Variants in PRICKLE1 observed in about 807,000 individuals in gnomAD.
The protein encoded by PRICKLE1 is prickle-like protein 1.
PRICKLE1 carries 14 observed loss-of-function variants against 70.2 expected under a neutral mutation model. The ratio of observed to expected loss-of-function variants is 0.20; its 90% CI spans 0.13 to 0.31. The LOEUF (loss-of-function observed/expected upper bound fraction) is 0.31, where lower values mean the gene tolerates loss of function less well. PRICKLE1 is among the 10% of genes least tolerant of loss of function. PRICKLE1 has a pLI of 1.00. For missense variants in PRICKLE1, 821 were observed against 1,026.2 expected (o/e 0.80, Z 2.73); for synonymous variants, 357 against 379.9 (o/e 0.94, Z 0.70).
chr12:42,506,249 TTCTTTCTTTC>T (rs1220084973), intron 1 of PRICKLE1, among the ~76,000 whole-genome samples: 4 of 48,874 alleles, frequency 8.2e-5, no homozygotes, highest in Admixed American at 3.1e-4. Flanking sequence ...ATGTTCTTTT[TTCTTTCTTTC>T]TTTTTTTTTT....
chr12:42,584,305 T>C (rs1449973719), intron 1 of PRICKLE1: 4 of 152,196 alleles, frequency 2.6e-5, no homozygotes, highest in African/African-American at 9.6e-5. Flanking sequence ...GATAACTATA[T>C]TGCTATGTCC....
At chr12:42,560,940 G>A (rs1442121912) in intron 1 of PRICKLE1, among the ~76,000 whole-genome samples, 1 of 152,142 alleles carries the variant, frequency 6.6e-6, no homozygotes, top group African/African-American at 2.4e-5. Flanking sequence ...TGTCTTACAG[G>A]ATTTGTGATG....
chr12:42,554,736 A>G (rs1005625778), intron 1 of PRICKLE1, among the ~76,000 whole-genome samples: 1 of 152,262 alleles, frequency 6.6e-6, no homozygotes, highest in African/African-American at 2.4e-5. Context: ...GCAAAGCCCA[A>G]TTCTCTTCGT....
At chr12:42,560,477 CA>C (rs1940492461) in intron 1 of PRICKLE1, among the ~76,000 whole-genome samples, 1 of 151,384 alleles carries the variant, frequency 6.6e-6, no homozygotes, top group African/African-American at 2.5e-5. Flanking sequence ...CATGAGTATT[CA>C]AACTTATACC....
rs1399044400 is a variant in PRICKLE1, at chr12:42,560,777, C to T, written c.-49+28688G>A. Among the ~76,000 whole-genome samples the T allele has an allele frequency of 1.5e-3, 30 of 19,462 alleles. 2 individuals are homozygous for T. The South Asian group carries it at 0.044, about 29-fold the overall frequency. The allele number at this position is 19,462 out of a possible 152,430, so 12.8% of individuals were successfully genotyped here. ...TCAAAAGCCCATCTTCTCACACACA[C>T]ACACACACACACACACACACACACA... On this transcript the variant is annotated intron_variant, in intron 1 of 7. Transcript: ENST00000345127.
intron 1 of PRICKLE1, among the ~76,000 whole-genome samples, chr12:42,512,688 C>T (rs1212508595): frequency 6.6e-6 from 1 of 151,246 alleles, no homozygotes; most frequent in African/African-American, 2.4e-5. Flanking sequence ...GATGGAGTCT[C>T]ACTCTGTTGC....
chr12:42,555,537 A>G (rs985667505), intron 1 of PRICKLE1, among the ~76,000 whole-genome samples: 2 of 152,196 alleles, frequency 1.3e-5, no homozygotes, highest in African/African-American at 2.4e-5. Context: ...CCTGAGTATT[A>G]CATACCCATA....
intron 1 of PRICKLE1, among the ~76,000 whole-genome samples, chr12:42,511,309 T>A (rs1285427798): frequency 6.6e-6 from 1 of 152,196 alleles, no homozygotes; most frequent in Admixed American, 6.5e-5. Flanking sequence ...AGGGGCTGCA[T>A]CCTTAGCACG....
At chr12:42,537,050 T>C (rs1412372080) in intron 1 of PRICKLE1, among the ~76,000 whole-genome samples, 4 of 152,160 alleles carry the variant, frequency 2.6e-5, no homozygotes, top group African/African-American at 4.8e-5. Flanking sequence ...AACATAAAGA[T>C]CCTATTTAGG....
At chr12:42,574,023 A>C (rs545355833) in intron 1 of PRICKLE1, among the ~76,000 whole-genome samples, 2 of 152,208 alleles carry the variant, frequency 1.3e-5, no homozygotes, top group Non-Finnish European at 2.9e-5. Flanking sequence ...TCAAGGAACC[A>C]GGAACCCCAC....
intron 1 of PRICKLE1, among the ~76,000 whole-genome samples, chr12:42,527,088 A>G (rs1245782586): frequency 6.7e-6 from 1 of 149,952 alleles, no homozygotes; most frequent in Non-Finnish European, 1.5e-5. Flanking sequence ...TCAGTGGAAA[A>G]GGGTACAATT....
chr12:42,472,205 T>C lies in PRICKLE1; in HGVS notation c.132+180A>G, dbSNP rs60876833. 5.7e-3 allele frequency among the ~76,000 whole-genome samples: 861 copies of C among 152,314 alleles called. 11 individuals are homozygous for C. The highest frequency in any genetic ancestry group is 0.02 in the African/African-American group (828 of 41,570). ...GGTACGACGAGATTGGAAACTTCCA[T>C]TGAGAAACTAAATATGACCTTCAAA... is the stretch of plus-strand genomic sequence containing the variant. On this transcript the variant is annotated intron_variant, in intron 2 of 7. Coordinates refer to ENST00000345127, the MANE Select transcript of PRICKLE1 (RefSeq NM_153026.3).
chr12:42,462,888 AC>A (rs1937913601), intron 7 of PRICKLE1, among the ~76,000 whole-genome samples: 1 of 152,176 alleles, frequency 6.6e-6, no homozygotes, highest in South Asian at 2.1e-4. Flanking sequence ...TGCCTTTAGA[AC>A]CTATGTAATG....
chr12:42,564,042 A>G (rs993577151), intron 1 of PRICKLE1, among the ~76,000 whole-genome samples: 2 of 151,372 alleles, frequency 1.3e-5, no homozygotes, highest in Admixed American at 1.3e-4. Flanking sequence ...GCAGATCACA[A>G]GGTCAAGAGA....
chr12:42,476,218 T>C (rs1359271395), intron 1 of PRICKLE1, among the ~76,000 whole-genome samples: 2 of 151,658 alleles, frequency 1.3e-5, no homozygotes, highest in Admixed American at 6.6e-5. Context: ...GTTTTGCTCT[T>C]GTTACCCAGG....
intron 1 of PRICKLE1, among the ~76,000 whole-genome samples, chr12:42,502,170 T>C (rs966369564): frequency 2.0e-4 from 31 of 151,436 alleles, no homozygotes; most frequent in African/African-American, 4.6e-4. Context: ...TATATATATA[T>C]ACACACACAC....
rs186231331 is a variant in PRICKLE1 at position 42,497,458 on chromosome 12, C to T, written c.-48-24894G>A. Among the ~76,000 whole-genome samples, 415 of 147,448 alleles carry T rather than the reference C, an allele frequency of 2.8e-3. 4 individuals carry two copies. The highest frequency in any genetic ancestry group is 9.7e-3 in the African/African-American group (387 of 40,094). On this transcript the variant is annotated intron_variant, in intron 1 of 7. Coordinates refer to ENST00000345127, the MANE Select transcript of PRICKLE1 (RefSeq NM_153026.3). The stretch of plus-strand genomic sequence containing the variant: ...CAGCTACTCGGGAGGCTGAGGTGGG[C>T]GAATGGCGTGAACCCGGGAGGCAGA...
intron 1 of PRICKLE1, among the ~76,000 whole-genome samples, chr12:42,528,182 C>A (rs1316241666): frequency 2.0e-5 from 3 of 151,948 alleles, no homozygotes; most frequent in African/African-American, 7.3e-5. Context: ...CCGGGCTCAA[C>A]TGGCCCTCCC....
chr12:42,500,177 A>G (rs1566103542), intron 1 of PRICKLE1, among the ~76,000 whole-genome samples: 1 of 152,264 alleles, frequency 6.6e-6, no homozygotes, highest in Non-Finnish European at 1.5e-5. Context: ...AGAGTTATAC[A>G]GCACAAAGGC....
Sources: gnomAD v4.1 joint callset for allele counts (sites outside exome capture counted in the v4.1 genomes callset) on GRCh38, gnomAD v4.1.1 for gene constraint, MANE v1.5 for transcripts, NCBI Gene and HGNC (gene_info 2026-07-23, HGNC 2026-07-21) for gene names.